The following DNAJB6 variants were observed in gnomAD, a reference collection of about 807,000 sequenced individuals.
DNAJB6 encodes dnaJ homolog subfamily B member 6.
In DNAJB6, 16 loss-of-function variants were observed where a neutral mutation model predicts 42.7. The ratio of observed to expected loss-of-function variants is 0.37; its 90% CI spans 0.25 to 0.57. DNAJB6 has a LOEUF of 0.57. Ranked by LOEUF, DNAJB6 falls within the 20% of genes least tolerant of loss-of-function variation. The pLI is 0.74. For synonymous variants in DNAJB6, 170 were observed against 163.5 expected (o/e 1.04, Z -0.30); for missense variants, 347 against 416.8 (o/e 0.83, Z 1.46).
intron 8 of DNAJB6, among the ~76,000 whole-genome samples, chr7:157,395,404 G>GT (rs1801536954): frequency 6.6e-6 from 1 of 152,204 alleles, no homozygotes; most frequent in Admixed American, 6.5e-5. Context: ...CAGCTTCTCT[G>GT]TTTTTCCTGC....
intron 9 of DNAJB6, chr7:157,412,020 CTCATT>C (rs1563155297): frequency 6.6e-6 from 1 of 152,206 alleles, no homozygotes; most frequent in African/African-American, 2.4e-5. Flanking sequence ...GGCTTTTCCT[CTCATT>C]TGTTTCCTTT....
At chr7:157,343,393 G>GT (rs1798519061) in intron 1 of DNAJB6, among the ~76,000 whole-genome samples, 1 of 152,040 alleles carries the variant, frequency 6.6e-6, no homozygotes, top group Non-Finnish European at 1.5e-5. Context: ...CACCTCAGGT[G>GT]ATCTGCGTGC....
intron 8 of DNAJB6, among the ~76,000 whole-genome samples, chr7:157,399,791 C>T (rs1177416192): frequency 6.6e-6 from 1 of 152,148 alleles, no homozygotes; most frequent in African/African-American, 2.4e-5. Context: ...GCCTTAGCCT[C>T]TGGAGTAGCT....
chr7:157,407,419 A>AT (rs1336824931), intron 8 of DNAJB6, among the ~76,000 whole-genome samples: 1 of 152,084 alleles, frequency 6.6e-6, no homozygotes, highest in African/African-American at 2.4e-5. Context: ...GAAACTTTAA[A>AT]TTTTTTTCTC....
At chr7:157,404,009 C>T (rs1795651182) in intron 8 of DNAJB6, among the ~76,000 whole-genome samples, 1 of 151,966 alleles carries the variant, frequency 6.6e-6, no homozygotes, top group Non-Finnish European at 1.5e-5. Context: ...TTCTGTTACC[C>T]AGGCAGGAGT....
At chr7:157,358,889 C>T (rs980353912) in intron 2 of DNAJB6, among the ~76,000 whole-genome samples, 3 of 152,188 alleles carry the variant, frequency 2.0e-5, no homozygotes, top group African/African-American at 7.2e-5. Flanking sequence ...GAGATAATCC[C>T]AAACATCTTT....
rs1393670103 is a variant in DNAJB6 at position 157,365,966 on chromosome 7, G to T, written c.176-536G>T. 2.5e-4 allele frequency among the ~76,000 whole-genome samples: 25 copies of T among 100,480 alleles called. No homozygotes were observed. The Admixed American group carries it at 2.8e-3, about 11-fold the overall frequency. 65.9% of individuals were successfully genotyped at this position (100,480 alleles called of 152,430 possible). ...GGTATGAGCTACCTCGCGTGGCTAA[G>T]TCCCCCCCGCGCCTACTCTTGTTGC... On this transcript the variant is annotated intron_variant, in intron 3 of 9. Transcript: ENST00000262177.
chr7:157,363,592 G>A (rs1380606150), intron 3 of DNAJB6, among the ~76,000 whole-genome samples: 1 of 152,126 alleles, frequency 6.6e-6, no homozygotes, highest in African/African-American at 2.4e-5. Flanking sequence ...CATGTGGCGT[G>A]CTTGCCCCCG....
intron 5 of DNAJB6, among the ~76,000 whole-genome samples, chr7:157,375,159 T>C (rs959701776): frequency 9.2e-5 from 14 of 152,284 alleles, no homozygotes; most frequent in African/African-American, 2.9e-4. Flanking sequence ...TACCAGTATT[T>C]ATAGGCAGTA....
chr7:157,352,065 C>T (rs1241438255), intron 1 of DNAJB6, among the ~76,000 whole-genome samples: 1 of 151,982 alleles, frequency 6.6e-6, no homozygotes, highest in East Asian at 1.9e-4. Context: ...CAATTTGTGG[C>T]TCACGCCTGT....
intron 1 of DNAJB6, among the ~76,000 whole-genome samples, chr7:157,342,180 T>G (rs1262992696): frequency 4.6e-5 from 7 of 151,308 alleles, no homozygotes; most frequent in Non-Finnish European, 1.0e-4. Flanking sequence ...AATAATAATT[T>G]TTTTTGAGAC....
chr7:157,409,732 C>G, intron 8 of DNAJB6, 63 bp from the exon 9 acceptor site: 1 of 1,459,964 alleles, frequency 6.8e-7, no homozygotes. Context: ...CCTCCCTCTG[C>G]TCTGGATGGG....
At position 157,416,735 on chromosome 7, in the gene DNAJB6, C is replaced by T. The variant is rs1796114540; in HGVS notation, c.*637C>T. 2 of 152,090 alleles carry T rather than the reference C, an allele frequency of 1.3e-5. No individual in the cohort carries two copies. Among genetic ancestry groups the T allele is most frequent in the South Asian group, 4.2e-4 (2 of 4,816 alleles). 9.4% of individuals were successfully genotyped at this position (152,090 alleles called of 1,614,324 possible). A position where few individuals can be genotyped will look rare whatever the true frequency, so the allele number is the denominator to read the frequency against. On this transcript the variant is annotated 3_prime_UTR_variant, in exon 10 of 10. Coordinates refer to ENST00000262177, the MANE Select transcript of DNAJB6 (RefSeq NM_058246.4). ...AATATGGTGTAGGTTTTGCTAGATT[C>T]CATATTTTTTTCTTGGATTTTTGCT...
chr7:157,395,664 C>T (rs1801546763), intron 8 of DNAJB6, among the ~76,000 whole-genome samples: 3 of 150,984 alleles, frequency 2.0e-5, no homozygotes. Context: ...TTACAACATT[C>T]ATTCTACGTT....
intron 1 of DNAJB6, among the ~76,000 whole-genome samples, chr7:157,350,789 A>G (rs1192415292): frequency 6.6e-6 from 1 of 151,882 alleles, no homozygotes; most frequent in African/African-American, 2.4e-5. Flanking sequence ...TCCCAGGTTC[A>G]AGTGAGTCTC....
chr7:157,377,010 A>C (rs967539604), intron 5 of DNAJB6, among the ~76,000 whole-genome samples: 6 of 152,218 alleles, frequency 3.9e-5, no homozygotes, highest in African/African-American at 1.4e-4. Flanking sequence ...AGTTTGTCTA[A>C]AGACCTGGGA....
At chr7:157,361,366 C>T (rs1286927454) in intron 2 of DNAJB6, among the ~76,000 whole-genome samples, 1 of 152,112 alleles carries the variant, frequency 6.6e-6, no homozygotes, top group African/African-American at 2.4e-5. Flanking sequence ...ACCATGTTGG[C>T]CAGGATGGTC....
intron 3 of DNAJB6, among the ~76,000 whole-genome samples, chr7:157,364,958 T>C (rs1388110782): frequency 6.6e-6 from 1 of 152,236 alleles, no homozygotes; most frequent in Non-Finnish European, 1.5e-5. Flanking sequence ...TTTCTTCTAC[T>C]TTTTAAAAAT....
At chr7:157,372,724 A>G (rs767891753) in intron 5 of DNAJB6, among the ~76,000 whole-genome samples, 7 of 152,082 alleles carry the variant, frequency 4.6e-5, no homozygotes, top group Non-Finnish European at 7.4e-5. Flanking sequence ...GATCCGTACC[A>G]CAAACCGGGG....
Sources: allele counts gnomAD v4.1 joint callset (sites outside exome capture counted in the v4.1 genomes callset), GRCh38; gene constraint gnomAD v4.1.1; transcripts MANE v1.5; gene names NCBI Gene and HGNC (gene_info 2026-07-23, HGNC 2026-07-21).